The following RASA2 variants were observed in gnomAD, a reference collection of about 807,000 sequenced individuals.
RASA2 encodes the protein ras GTPase-activating protein 2.
RASA2 carries 155 observed loss-of-function variants against 118.2 expected under a neutral mutation model. The ratio of observed to expected loss-of-function variants is 1.31; its 90% CI spans 1.15 to 1.50. RASA2 has a LOEUF of 1.50. Ranked by LOEUF, RASA2 falls within the 40% of genes most tolerant of loss-of-function variation. RASA2 has a pLI of 0.00. For synonymous variants in RASA2, 353 were observed against 349.1 expected (o/e 1.01, Z -0.12); for missense variants, 1,016 against 1,009.6 (o/e 1.01, Z -0.09).
intron 19 of RASA2, among the ~76,000 whole-genome samples, chr3:141,598,736 A>G (rs1293068807): frequency 6.6e-6 from 1 of 152,156 alleles, no homozygotes; most frequent in Non-Finnish European, 1.5e-5. Context: ...TTTAAAAATC[A>G]TACCCTTTAC....
chr3:141,607,174 T>C (rs1278307470), intron 19 of RASA2, among the ~76,000 whole-genome samples: 2 of 152,166 alleles, frequency 1.3e-5, no homozygotes, highest in Non-Finnish European at 2.9e-5. Flanking sequence ...TCAACCCATA[T>C]GGGACAATAA....
chr3:141,511,621 G>A (rs1018567277), intron 1 of RASA2, among the ~76,000 whole-genome samples: 3 of 152,170 alleles, frequency 2.0e-5, no homozygotes, highest in Non-Finnish European at 4.4e-5. Context: ...AGTGTCCTCA[G>A]CTAGAGCAGT....
At chr3:141,517,444 G>C (rs1486823835) in intron 3 of RASA2, among the ~76,000 whole-genome samples, 1 of 152,122 alleles carries the variant, frequency 6.6e-6, no homozygotes, top group Non-Finnish European at 1.5e-5. Flanking sequence ...TCTTCACATG[G>C]CTGGCAGGAG....
At chr3:141,514,281 C>G (rs1334727776) in intron 2 of RASA2, among the ~76,000 whole-genome samples, 2 of 152,040 alleles carry the variant, frequency 1.3e-5, no homozygotes, top group Non-Finnish European at 2.9e-5. Context: ...AAGATATGGC[C>G]AAGAGCACAT....
chr3:141,605,061 CT>C (rs2083526224), intron 19 of RASA2, among the ~76,000 whole-genome samples: 1 of 151,986 alleles, frequency 6.6e-6, no homozygotes, highest in Admixed American at 6.5e-5. Context: ...TGATGTCACT[CT>C]GATTCTCAGT....
At chr3:141,562,554 G>T (rs13085709) in intron 9 of RASA2, among the ~76,000 whole-genome samples, 5 of 150,748 alleles carry the variant, frequency 3.3e-5, no homozygotes, top group Non-Finnish European at 7.4e-5. Flanking sequence ...ACCTGGGAGC[G>T]GGAGCTTACA....
At chr3:141,608,261 T>G (rs1393246484) in intron 20 of RASA2, among the ~76,000 whole-genome samples, 7 of 152,226 alleles carry the variant, frequency 4.6e-5, no homozygotes, top group African/African-American at 1.7e-4. Context: ...TCCATTCCTT[T>G]GGATATGTGT....
At chr3:141,509,505 T>C (rs993909714) in intron 1 of RASA2, among the ~76,000 whole-genome samples, 4 of 152,228 alleles carry the variant, frequency 2.6e-5, no homozygotes, top group Non-Finnish European at 2.9e-5. Context: ...GCATATTTAT[T>C]ATGGAGCATA....
intron 1 of RASA2, among the ~76,000 whole-genome samples, chr3:141,506,783 G>A (rs1340154799): frequency 6.6e-6 from 1 of 151,996 alleles, no homozygotes; most frequent in African/African-American, 2.4e-5. Context: ...AGGCATGGTG[G>A]TATGTGTCTG....
At chr3:141,578,362 C>G (rs2083046446) in intron 15 of RASA2, among the ~76,000 whole-genome samples, 1 of 152,180 alleles carries the variant, frequency 6.6e-6, no homozygotes, top group East Asian at 1.9e-4. Flanking sequence ...ATTCCATGCT[C>G]AGTACTGGAG....
Position 141,609,994 on chromosome 3 carries a change from T to C in RASA2, c.2447T>C (p.Ile816Thr). The C allele has an allele frequency of 2.5e-6, 4 of 1,606,408 alleles. No individual in the cohort carries two copies. Among genetic ancestry groups the C allele is most frequent in the Non-Finnish European group, 3.4e-6 (4 of 1,176,434 alleles). The change falls in exon 23 of 24, where the codon ATA becomes ACA. Residue 816 changes from isoleucine to threonine, a missense_variant. Physicochemically the swap from Ile to Thr is moderately conservative, Grantham distance 89. Transcript: ENST00000286364. Reference protein sequence around the residue: ...TFKTIQQIKSIIEKLDEPHEK... With the variant: ...TFKTIQQIKSTIEKLDEPHEK... ...AAGACAATTCAGCAAATAAAAAGCA[T>C]AATTGAGAAGCTGGATGAACCTCAT...
intron 4 of RASA2, among the ~76,000 whole-genome samples, chr3:141,532,693 C>T (rs2082275556): frequency 6.6e-6 from 1 of 152,114 alleles, no homozygotes; most frequent in South Asian, 2.1e-4. Flanking sequence ...TGGTTGACTA[C>T]CGCATAAAAT....
intron 19 of RASA2, among the ~76,000 whole-genome samples, chr3:141,606,872 A>C (rs1191383665): frequency 6.6e-6 from 1 of 152,218 alleles, no homozygotes; most frequent in Non-Finnish European, 1.5e-5. Context: ...GGGGTGAAAT[A>C]AAAGCAAAGC....
chr3:141,580,617 C>A (rs890802241), intron 16 of RASA2, among the ~76,000 whole-genome samples, 166 bp downstream of exon 16: 1 of 151,934 alleles, frequency 6.6e-6, no homozygotes, highest in African/African-American at 2.4e-5. Flanking sequence ...CTCTCTTAGT[C>A]ACCTGTTAAA....
intron 6 of RASA2, among the ~76,000 whole-genome samples, chr3:141,554,329 T>C (rs1033069680): frequency 5.9e-5 from 9 of 152,216 alleles, no homozygotes; most frequent in Admixed American, 5.2e-4. Context: ...AGACAATTTA[T>C]ATATTTTTAT....
chr3:141,586,214 C>A, intron 18 of RASA2, 116 bp downstream of exon 18: 2 of 889,008 alleles, frequency 2.2e-6, no homozygotes, highest in Non-Finnish European at 1.6e-6. Context: ...TTAGAACTGC[C>A]AAAATTAGCA....
chr3:141,541,325 A>G lies in RASA2; in HGVS notation c.527+716A>G, dbSNP rs371265631. Among the ~76,000 whole-genome samples, 11 of 152,212 alleles carry G rather than the reference A, an allele frequency of 7.2e-5. No homozygotes were observed. In the East Asian group the frequency reaches 1.9e-3, roughly 27 times the overall value. ...GGAGTAGAGTAGATATTACTCTCCT[A>G]TTGCTGCTCCAGACTGTAACTTATT... On this transcript the variant is annotated intron_variant, in intron 5 of 23. Coordinates refer to ENST00000286364, the MANE Select transcript of RASA2 (RefSeq NM_006506.5).
At chr3:141,570,769 G>A (rs895759848) in intron 9 of RASA2, 143 bp from the exon 10 acceptor site, 27 of 667,738 alleles carry the variant, frequency 4.0e-5, no homozygotes, top group Middle Eastern at 3.8e-4. Flanking sequence ...CTGAAGATGA[G>A]TATCCTGCTA....
chr3:141,517,323 T>C (rs1216410049), intron 3 of RASA2, among the ~76,000 whole-genome samples: 1 of 152,198 alleles, frequency 6.6e-6, no homozygotes, highest in Non-Finnish European at 1.5e-5. Flanking sequence ...CTGGGTAATT[T>C]ATAAAGAATA....
Sources: gnomAD v4.1 joint callset for allele counts (sites outside exome capture counted in the v4.1 genomes callset) on GRCh38, gnomAD v4.1.1 for gene constraint, MANE v1.5 for transcripts, NCBI Gene and HGNC (gene_info 2026-07-23, HGNC 2026-07-21) for gene names.